CDC42: variants seen among roughly 807,000 people sequenced by gnomAD.
CDC42 encodes the protein cell division cycle 42.
Under a neutral mutation model 20.8 loss-of-function variants are expected in CDC42, and 1 was observed. That is an observed-to-expected ratio of 0.05 (90% CI 0.02 to 0.23). The LOEUF (loss-of-function observed/expected upper bound fraction) is 0.23. CDC42 is among the 10% of genes least tolerant of loss of function. The pLI is 1.00. For missense variants in CDC42, 49 were observed against 227.9 expected, an observed-to-expected ratio of 0.21 and a Z score of 5.05; for synonymous variants, 72 against 84.8, an observed-to-expected ratio of 0.85 and a Z score of 0.83.
rs1176452254 is a variant in CDC42, at chr1:22,095,830, C to CTTA, written c.*4315_*4317dup. 6.6e-6 allele frequency among the ~76,000 whole-genome samples: 1 copy of CTTA among 152,144 alleles called. No homozygotes were observed. The highest frequency in any genetic ancestry group is 1.9e-4 in the East Asian group (1 of 5,198). On this transcript the variant is annotated 3_prime_UTR_variant, in exon 6 of 6. Coordinates refer to ENST00000656825, the MANE Select transcript of CDC42 (RefSeq NM_001791.4). ...CAGTGGCTGCTTGAGTGTGGACTTG[C>CTTA]TTATGGTGGGCCAAAGAGGGGCAAG...
In CDC42 at chr1:22,095,460, A is replaced by G. The variant is rs574705162; in HGVS notation, c.*3943A>G. 6.6e-5 allele frequency among the ~76,000 whole-genome samples: 10 copies of G among 152,068 alleles called. No homozygotes were observed. The highest frequency in any genetic ancestry group is 2.6e-4 in the Admixed American group (4 of 15,262). On this transcript the variant is annotated 3_prime_UTR_variant, in exon 6 of 6. Transcript: ENST00000656825. ...AATGTTTTGTATTTTTAGTAGAGAT[A>G]GGGTTTCACCATGTTAGCCAGGATG...
intron 1 of CDC42, among the ~76,000 whole-genome samples, chr1:22,067,746 ACT>A (rs1393391374): frequency 2.0e-5 from 3 of 151,796 alleles, no homozygotes; most frequent in African/African-American, 7.3e-5. Context: ...GGATGAGGGG[ACT>A]CTGCCCTCTG....
intron 1 of CDC42, among the ~76,000 whole-genome samples, chr1:22,055,867 G>GTTTTTTTTTTT (rs35437576): frequency 6.3e-5 from 8 of 126,662 alleles, no homozygotes; most frequent in African/African-American, 2.4e-4. Context: ...TTGTTTTAGA[G>GTTTTTTTTTTT]TTTTTTTTTT....
chr1:22,066,639 AG>A (rs1194310960), intron 1 of CDC42, among the ~76,000 whole-genome samples: 2 of 152,176 alleles, frequency 1.3e-5, no homozygotes, highest in African/African-American at 2.4e-5. Flanking sequence ...GAGTGTAAGG[AG>A]GGAGGGTACT....
chr1:22,096,254 C>T lies in CDC42; in HGVS notation c.*4737C>T, dbSNP rs771545623. Among the ~76,000 whole-genome samples, 12 of 151,946 alleles carry T rather than the reference C, an allele frequency of 7.9e-5. No homozygotes were observed. The highest frequency in any genetic ancestry group is 1.5e-4 in the Non-Finnish European group (10 of 68,012). Reference sequence around the variant, plus strand: ...GATTATAGGCATGAGTCACTGCGCCCGGCCTATTCATTCATTCTTACAGTG... The same window carrying T: ...GATTATAGGCATGAGTCACTGCGCCTGGCCTATTCATTCATTCTTACAGTG... On this transcript the variant is annotated 3_prime_UTR_variant, in exon 6 of 6. Transcript: ENST00000656825.
chr1:22,069,318 G>C (rs946423762), intron 1 of CDC42, among the ~76,000 whole-genome samples: 3 of 151,790 alleles, frequency 2.0e-5, no homozygotes, highest in Admixed American at 6.6e-5. Flanking sequence ...TGGGACTACA[G>C]GTGAGCGCCA....
At chr1:22,083,197 G>A (rs1159873798) in intron 3 of CDC42, among the ~76,000 whole-genome samples, 1 of 151,876 alleles carries the variant, frequency 6.6e-6, no homozygotes, top group Non-Finnish European at 1.5e-5. Context: ...GATAATTTAT[G>A]GCTACTTGTG....
chr1:22,061,757 G>C (rs1645367796), intron 1 of CDC42, among the ~76,000 whole-genome samples: 1 of 150,846 alleles, frequency 6.6e-6, no homozygotes, highest in South Asian at 2.1e-4. Flanking sequence ...CTTTAGTGGA[G>C]ACCGTGTTGG....
chr1:22,077,690 GA>G (rs1457154984), intron 1 of CDC42, among the ~76,000 whole-genome samples: 2 of 152,062 alleles, frequency 1.3e-5, no homozygotes, highest in Non-Finnish European at 2.9e-5. Context: ...ATGTTAACAT[GA>G]AAAAAAGCAT....
At chr1:22,072,883 A>G (rs1040404589) in intron 1 of CDC42, among the ~76,000 whole-genome samples, 1 of 152,148 alleles carries the variant, frequency 6.6e-6, no homozygotes, top group Non-Finnish European at 1.5e-5. Flanking sequence ...TTTTATTCAC[A>G]GTTACTATTA....
chr1:22,081,467 C>T (rs1645606866), intron 2 of CDC42, among the ~76,000 whole-genome samples: 1 of 152,204 alleles, frequency 6.6e-6, no homozygotes, highest in Non-Finnish European at 1.5e-5. Context: ...TCCTGTGACA[C>T]CTCTAAACCT....
At chr1:22,080,685 T>C (rs997533676) in intron 2 of CDC42, among the ~76,000 whole-genome samples, 2 of 152,232 alleles carry the variant, frequency 1.3e-5, no homozygotes, top group South Asian at 4.1e-4. Context: ...ACTCCAGAAT[T>C]TGTGTTGGGT....
chr1:22,067,665 T>A (rs1377271107), intron 1 of CDC42, among the ~76,000 whole-genome samples: 1 of 152,092 alleles, frequency 6.6e-6, no homozygotes, highest in Non-Finnish European at 1.5e-5. Flanking sequence ...CTTTTTGCTG[T>A]GTCTTCTTGC....
intron 1 of CDC42, among the ~76,000 whole-genome samples, chr1:22,061,457 A>C (rs994598965): frequency 6.7e-6 from 1 of 150,330 alleles, no homozygotes; most frequent in Non-Finnish European, 1.5e-5. Context: ...CATCCTGGAA[A>C]TCATAATGTA....
rs1557910573 is a variant in CDC42 at position 22,093,825 on chromosome 1, A to G, written c.*2308A>G. ...GTCAGGGGCGTATAGGTCCTTGACT[A>G]TTGCTATATCTTTGTCCTAAAGCAA... On this transcript the variant is annotated 3_prime_UTR_variant, in exon 6 of 6. Transcript: ENST00000656825. Among the ~76,000 whole-genome samples the G allele has an allele frequency of 1.3e-5, 2 of 152,210 alleles. No homozygotes were observed. Among genetic ancestry groups the G allele is most frequent in the African/African-American group, 4.8e-5 (2 of 41,458 alleles).
intron 2 of CDC42, among the ~76,000 whole-genome samples, chr1:22,079,055 CAGAGA>C (rs1645580793): frequency 6.6e-6 from 1 of 151,604 alleles, no homozygotes; most frequent in Non-Finnish European, 1.5e-5. Context: ...TTCTTAGGGG[CAGAGA>C]AGAGAAGACC....
chr1:22,092,752 T>TAAGTGTTA lies in CDC42; in HGVS notation c.*1237_*1244dup, dbSNP rs1645730201. The TAAGTGTTA allele has an allele frequency of 6.5e-6, 1 of 152,778 alleles. No homozygotes were observed. Among genetic ancestry groups the TAAGTGTTA allele is most frequent in the African/African-American group, 2.4e-5 (1 of 41,584 alleles). The allele number at this position is 152,778 out of a possible 1,614,324, so 9.5% of individuals were successfully genotyped here. ...AAAGACTCTTAATGCAGACTCTTCT[T>TAAGTGTTA]AAGTGTTAATAGGGATTTTTTCAGC... On this transcript the variant is annotated 3_prime_UTR_variant, in exon 6 of 6. Transcript: ENST00000656825.
At chr1:22,056,236 G>A (rs1291010331) in intron 1 of CDC42, among the ~76,000 whole-genome samples, 2 of 152,140 alleles carry the variant, frequency 1.3e-5, no homozygotes, top group African/African-American at 4.8e-5. Context: ...CCTTTTTGCT[G>A]TGTTTCCTGA....
intron 1 of CDC42, among the ~76,000 whole-genome samples, chr1:22,075,649 T>C (rs1645541152): frequency 6.6e-6 from 1 of 152,246 alleles, no homozygotes; most frequent in South Asian, 2.1e-4. Context: ...GTACTAAGCA[T>C]GTACTGTATG....
Sources: gnomAD v4.1 joint callset for allele counts (sites outside exome capture counted in the v4.1 genomes callset) on GRCh38, gnomAD v4.1.1 for gene constraint, MANE v1.5 for transcripts, NCBI Gene and HGNC (gene_info 2026-07-23, HGNC 2026-07-21) for gene names.